KIF26B: variants seen among roughly 807,000 people sequenced by gnomAD.
KIF26B encodes the protein kinesin-like protein KIF26B.
KIF26B carries 63 observed loss-of-function variants against 151.2 expected under a neutral mutation model. The observed-to-expected ratio is 0.42, with a 90% CI of 0.34 to 0.51. The LOEUF is 0.51. KIF26B is among the 20% of genes least tolerant of loss of function. The pLI, the probability that KIF26B is intolerant of heterozygous loss-of-function variation, is 0.07. For missense variants in KIF26B, 2,813 were observed against 2,913.6 expected (o/e 0.97, Z 0.79); for synonymous variants, 1,357 against 1,262.1 (o/e 1.08, Z -1.59).
chr1:245,417,944 G>A (rs988385458), intron 3 of KIF26B, among the ~76,000 whole-genome samples: 2 of 151,374 alleles, frequency 1.3e-5, no homozygotes, highest in Non-Finnish European at 2.9e-5. Context: ...ACATGTCACG[G>A]TGTGTCAAAA....
At chr1:245,360,295 C>T (rs1672789433) in intron 2 of KIF26B, among the ~76,000 whole-genome samples, 1 of 152,080 alleles carries the variant, frequency 6.6e-6, no homozygotes, top group Non-Finnish European at 1.5e-5. Flanking sequence ...TAAAAGACAG[C>T]CCTAAGATCA....
chr1:245,450,737 G>T (rs1015581289), intron 4 of KIF26B, among the ~76,000 whole-genome samples: 4 of 152,200 alleles, frequency 2.6e-5, no homozygotes, highest in African/African-American at 9.6e-5. Context: ...GCACATCTTC[G>T]TAGGACATTA....
intron 10 of KIF26B, among the ~76,000 whole-genome samples, chr1:245,668,132 G>C (rs1487086902): frequency 6.6e-6 from 1 of 152,024 alleles, no homozygotes; most frequent in Non-Finnish European, 1.5e-5. Flanking sequence ...CTGACCTCAA[G>C]TGATCAGCCT....
chr1:245,163,574 C>T (rs748193541), intron 2 of KIF26B, among the ~76,000 whole-genome samples: 7 of 151,942 alleles, frequency 4.6e-5, no homozygotes, highest in Non-Finnish European at 1.0e-4. Flanking sequence ...TTGTTAGGAC[C>T]GTGTTGAATG....
intron 2 of KIF26B, among the ~76,000 whole-genome samples, chr1:245,252,744 A>G (rs1670467155): frequency 6.6e-6 from 1 of 151,988 alleles, no homozygotes; most frequent in Admixed American, 6.6e-5. Context: ...TTTTCTTGTC[A>G]TATTCTTCTA....
chr1:245,536,954 C>T (rs1661498591), intron 4 of KIF26B, among the ~76,000 whole-genome samples: 1 of 152,184 alleles, frequency 6.6e-6, no homozygotes, highest in Admixed American at 6.5e-5. Context: ...AGCATCACTT[C>T]CATTACATTC....
At chr1:245,357,458 T>C (rs535671448) in intron 2 of KIF26B, among the ~76,000 whole-genome samples, 14 of 152,170 alleles carry the variant, frequency 9.2e-5, no homozygotes, top group Admixed American at 3.9e-4. Context: ...CTTCTGGGAG[T>C]CAGACTTCGC....
intron 2 of KIF26B, among the ~76,000 whole-genome samples, chr1:245,310,732 G>C (rs1411589309): frequency 1.3e-5 from 2 of 152,212 alleles, no homozygotes; most frequent in Non-Finnish European, 2.9e-5. Context: ...GCAGGCAGCA[G>C]CAGCAACGCG....
At chr1:245,682,257 A>C (rs112754623) in intron 10 of KIF26B, among the ~76,000 whole-genome samples, 6,404 of 152,326 alleles carry the variant, frequency 0.042, 177 homozygotes, top group Non-Finnish European at 0.062. Context: ...GAAAAAAAGA[A>C]AGAAAAAAAA....
At chr1:245,685,256 AC>A in intron 11 of KIF26B, 148 bp from the exon 12 acceptor site, 1 of 637,008 alleles carries the variant, frequency 1.6e-6, no homozygotes, top group Middle Eastern at 3.6e-4. Flanking sequence ...CGGGCATGGC[AC>A]CCCGAGTGGC....
chr1:245,607,233 G>C (rs1380214296), intron 6 of KIF26B, among the ~76,000 whole-genome samples: 5 of 152,038 alleles, frequency 3.3e-5, no homozygotes, highest in Non-Finnish European at 5.9e-5. Context: ...CCTCTCATAA[G>C]CCTGGCCTGT....
At chr1:245,645,504 G>A (rs1345957461) in intron 9 of KIF26B, among the ~76,000 whole-genome samples, 1 of 152,202 alleles carries the variant, frequency 6.6e-6, no homozygotes, top group Non-Finnish European at 1.5e-5. Flanking sequence ...CATCAATACA[G>A]AAAGGATAAT....
chr1:245,504,563 T>C (rs909462112), intron 4 of KIF26B, among the ~76,000 whole-genome samples: 1 of 151,950 alleles, frequency 6.6e-6, no homozygotes, highest in African/African-American at 2.4e-5. Context: ...ATCTTCCTGC[T>C]TCAGTAGCTG....
intron 4 of KIF26B, among the ~76,000 whole-genome samples, chr1:245,474,703 G>A (rs764792806): frequency 4.3e-4 from 66 of 151,734 alleles, no homozygotes; most frequent in Admixed American, 1.8e-3. Context: ...GTGAGCCACC[G>A]CACGCAGCCT....
chr1:245,446,407 T>G (rs1659251928), intron 4 of KIF26B, among the ~76,000 whole-genome samples: 1 of 152,162 alleles, frequency 6.6e-6, no homozygotes, highest in Non-Finnish European at 1.5e-5. Context: ...TCATATAGTG[T>G]CAGTCAAAAA....
intron 2 of KIF26B, among the ~76,000 whole-genome samples, chr1:245,236,213 T>C (rs1433019389): frequency 1.3e-5 from 2 of 152,124 alleles, no homozygotes; most frequent in Non-Finnish European, 2.9e-5. Flanking sequence ...CAGGCGTGAG[T>C]GAGCCTCTGG....
At chr1:245,418,377 C>T (rs993065719) in intron 3 of KIF26B, among the ~76,000 whole-genome samples, 3 of 152,180 alleles carry the variant, frequency 2.0e-5, no homozygotes, top group Non-Finnish European at 4.4e-5. Context: ...GCAGAATTTC[C>T]GTTGAATAAT....
intron 2 of KIF26B, among the ~76,000 whole-genome samples, chr1:245,320,784 TCTC>T (rs1671872595): frequency 6.6e-6 from 1 of 152,090 alleles, no homozygotes; most frequent in Non-Finnish European, 1.5e-5. Context: ...TTCAAGCAAT[TCTC>T]CTGCCTCAGC....
chr1:245,180,994 C>T (rs1271268937), intron 2 of KIF26B, among the ~76,000 whole-genome samples: 1 of 152,138 alleles, frequency 6.6e-6, no homozygotes, highest in African/African-American at 2.4e-5. Context: ...CCCCCTTCTT[C>T]TCTGTCCCAG....
Sources: allele counts gnomAD v4.1 joint callset (sites outside exome capture counted in the v4.1 genomes callset), GRCh38; gene constraint gnomAD v4.1.1; transcripts MANE v1.5; gene names NCBI Gene and HGNC (gene_info 2026-07-23, HGNC 2026-07-21).